IQGAP2: variants seen among roughly 807,000 people sequenced by gnomAD.
The protein encoded by IQGAP2 is ras GTPase-activating-like protein IQGAP2.
In IQGAP2, 173 loss-of-function variants were observed where a neutral mutation model predicts 201.3. The ratio of observed to expected loss-of-function variants is 0.86; its 90% CI spans 0.76 to 0.98. The LOEUF (loss-of-function observed/expected upper bound fraction) is 0.98. IQGAP2 is among the 50% of genes least tolerant of loss of function. The probability of loss-of-function intolerance (pLI) is 0.00; values close to 1 mark genes in which losing one functional copy is unlikely to be tolerated. For synonymous variants in IQGAP2, 675 were observed against 673.9 expected, an observed-to-expected ratio of 1.00 and a Z score of -0.03; for missense variants, 1,687 against 1,864.8, an observed-to-expected ratio of 0.90 and a Z score of 1.76.
intron 1 of IQGAP2, among the ~76,000 whole-genome samples, chr5:76,432,083 G>A (rs1265608115): frequency 1.3e-4 from 19 of 145,416 alleles, no homozygotes; most frequent in African/African-American, 4.5e-4. Context: ...GGTGTCATTA[G>A]AAAAGATTTA....
chr5:76,667,757 T>A (rs1387202702), intron 22 of IQGAP2, among the ~76,000 whole-genome samples: 1 of 152,224 alleles, frequency 6.6e-6, no homozygotes, highest in African/African-American at 2.4e-5. Flanking sequence ...CATTTTGCTG[T>A]TTCCACATTG....
chr5:76,424,331 C>T (rs539099272), intron 1 of IQGAP2, among the ~76,000 whole-genome samples: 1 of 151,694 alleles, frequency 6.6e-6, no homozygotes. Flanking sequence ...TTTTTTGAGA[C>T]GAAGTTTTGC....
Position 76,674,054 on chromosome 5 carries a change from A to G in IQGAP2, c.3294+18A>G, listed in dbSNP as rs759500226. The stretch of plus-strand genomic sequence containing the variant: ...TATTAAAGGTAGATTTTCAAGGGTA[A>G]TCTCACCATAGCTTCTCCTGGGGGT... On this transcript the variant is annotated intron_variant, in intron 26 of 35. Coordinates refer to ENST00000274364, the MANE Select transcript of IQGAP2 (RefSeq NM_006633.5). 23 of 1,383,566 alleles carry G rather than the reference A, an allele frequency of 1.7e-5. No homozygotes were observed. The highest frequency in any genetic ancestry group is 2.3e-5 in the East Asian group (1 of 43,734). 85.7% of individuals were successfully genotyped at this position (1,383,566 alleles called of 1,614,324 possible).
At chr5:76,518,679 A>C (rs1305120893) in intron 2 of IQGAP2, among the ~76,000 whole-genome samples, 1 of 152,138 alleles carries the variant, frequency 6.6e-6, no homozygotes, top group Admixed American at 6.5e-5. Context: ...TATTTGCCCA[A>C]AGTTTCTTTG....
chr5:76,548,400 A>C (rs1252527451), intron 2 of IQGAP2, among the ~76,000 whole-genome samples: 1 of 152,214 alleles, frequency 6.6e-6, no homozygotes, highest in East Asian at 1.9e-4. Context: ...GGGAAAGCAT[A>C]GTTTATCAAG....
chr5:76,521,393 G>A (rs959363952), intron 2 of IQGAP2, among the ~76,000 whole-genome samples: 1 of 152,090 alleles, frequency 6.6e-6, no homozygotes, highest in Non-Finnish European at 1.5e-5. Context: ...TTTATTTTCA[G>A]TTACAGTTTC....
At chr5:76,621,567 A>T (rs943208579) in intron 13 of IQGAP2, among the ~76,000 whole-genome samples, 2 of 152,220 alleles carry the variant, frequency 1.3e-5, no homozygotes, top group African/African-American at 4.8e-5. Context: ...GCCTGATTTT[A>T]AAAAGCTGTT....
chr5:76,677,645 G>T (rs1744935382), intron 28 of IQGAP2: 1 of 216,982 alleles, frequency 4.6e-6, no homozygotes, highest in South Asian at 1.0e-4. Flanking sequence ...AAGCCAGATT[G>T]TGACTGGAAT....
At chr5:76,484,279 A>G (rs2150148002) in intron 2 of IQGAP2, among the ~76,000 whole-genome samples, 1 of 152,326 alleles carries the variant, frequency 6.6e-6, no homozygotes, top group Non-Finnish European at 1.5e-5. Flanking sequence ...GTCAGGTGTC[A>G]ACACCTTCTC....
intron 13 of IQGAP2, among the ~76,000 whole-genome samples, chr5:76,614,602 C>A (rs1338689590): frequency 8.4e-6 from 1 of 118,658 alleles, no homozygotes; most frequent in East Asian, 2.4e-4. Context: ...TTTTTCCCCT[C>A]TGCTTTTTTT....
At chr5:76,671,688 G>GAA in intron 23 of IQGAP2, 71 bp from the exon 24 acceptor site, 1 of 989,422 alleles carries the variant, frequency 1.0e-6, no homozygotes, top group Non-Finnish European at 1.5e-6. Context: ...ACTGTCTCGG[G>GAA]GAAAAAAAAA....
rs1240400632 is a variant in IQGAP2, at chr5:76,654,204, A to G, written c.2183A>G (p.Gln728Arg). ...CTATTTTTTAAAACCTTTCAGATTCAGTCCTGGTTCCGAATGGCAACTGCA... is the reference window on the plus strand; with the variant it reads ...CTATTTTTTAAAACCTTTCAGATTCGGTCCTGGTTCCGAATGGCAACTGCA... ...IDNTDSIVKI[Q>R]SWFRMATARK... Residue 728 changes from glutamine (Q) to arginine (R), a missense_variant, in exon 19 of 36, where the codon CAG (glutamine) becomes CGG (arginine). By Grantham distance (43) the Gln-to-Arg change is conservative. Transcript: ENST00000274364. The G allele has an allele frequency of 3.7e-6, 6 of 1,603,352 alleles. No individual in the cohort carries two copies. The highest frequency in any genetic ancestry group is 5.1e-6 in the Non-Finnish European group (6 of 1,173,698).
intron 2 of IQGAP2, among the ~76,000 whole-genome samples, chr5:76,477,905 A>G (rs1561401017): frequency 3.3e-5 from 5 of 152,142 alleles, no homozygotes; most frequent in Non-Finnish European, 7.4e-5. Context: ...TTAAAAATAG[A>G]AAAAAGCTTA....
At chr5:76,602,663 T>G (rs777301292) in intron 11 of IQGAP2, among the ~76,000 whole-genome samples, 6 of 152,186 alleles carry the variant, frequency 3.9e-5, no homozygotes, top group Non-Finnish European at 7.3e-5. Flanking sequence ...CTTGGGTTCT[T>G]GTATTGACAC....
At chr5:76,530,268 T>A (rs1458334736) in intron 2 of IQGAP2, among the ~76,000 whole-genome samples, 5 of 152,162 alleles carry the variant, frequency 3.3e-5, no homozygotes, top group Admixed American at 3.3e-4. Context: ...CTAAAAAATA[T>A]CCTTGACCCA....
Position 76,403,494 on chromosome 5 carries a change from C to A in IQGAP2, c.-52C>A. 2 of 1,388,188 alleles carry A rather than the reference C, an allele frequency of 1.4e-6. No individual in the cohort carries two copies. The highest frequency in any genetic ancestry group is 1.9e-6 in the Non-Finnish European group (2 of 1,070,330). 86.0% of individuals were successfully genotyped at this position (1,388,188 alleles called of 1,614,324 possible). ...GCGCAGAGCCCGCGAGCCTGGCCAGCGAGGGTAGCCGCGGGGGGCGCGCCC... is the reference window on the plus strand; with the variant it reads ...GCGCAGAGCCCGCGAGCCTGGCCAGAGAGGGTAGCCGCGGGGGGCGCGCCC... On this transcript the variant is annotated 5_prime_UTR_variant, in exon 1 of 36. Transcript: ENST00000274364. This position sits in a 1 kb window ranked among gnomAD's most constrained non-coding sequence, Gnocchi z 4.8.
intron 28 of IQGAP2, among the ~76,000 whole-genome samples, chr5:76,678,075 C>G (rs1049781441): frequency 1.3e-5 from 2 of 152,156 alleles, no homozygotes; most frequent in Non-Finnish European, 2.9e-5. Flanking sequence ...TTCCAGGAAC[C>G]CTCTCAGCTT....
At chr5:76,588,505 T>C (rs1318940495) in intron 5 of IQGAP2, among the ~76,000 whole-genome samples, 1 of 152,232 alleles carries the variant, frequency 6.6e-6, no homozygotes, top group African/African-American at 2.4e-5. Context: ...TGGAGGAATA[T>C]TAAAAAGCAA....
intron 35 of IQGAP2, 151 bp downstream of exon 35, chr5:76,702,741 T>G: frequency 2.4e-6 from 1 of 423,414 alleles, no homozygotes; most frequent in Non-Finnish European, 4.4e-6. Flanking sequence ...TGTTGATGAT[T>G]TTTAAGAGCT....
Sources: allele counts gnomAD v4.1 joint callset (sites outside exome capture counted in the v4.1 genomes callset), GRCh38; gene constraint gnomAD v4.1.1; non-coding constraint Gnocchi (gnomAD v3.1); transcripts MANE v1.5; gene names NCBI Gene and HGNC (gene_info 2026-07-23, HGNC 2026-07-21).